Variants in CPNE2 observed in about 807,000 individuals in gnomAD.
CPNE2 encodes copine-2.
CPNE2 carries 42 observed loss-of-function variants against 69.7 expected under a neutral mutation model. The ratio of observed to expected loss-of-function variants is 0.60; its 90% CI spans 0.47 to 0.78. The LOEUF (loss-of-function observed/expected upper bound fraction) is 0.78. Ranked by LOEUF, CPNE2 falls within the 30% of genes least tolerant of loss-of-function variation. CPNE2 has a pLI of 0.00. For missense variants in CPNE2, 587 were observed against 732.0 expected, an observed-to-expected ratio of 0.80 and a Z score of 2.29; for synonymous variants, 294 against 289.8, an observed-to-expected ratio of 1.01 and a Z score of -0.15.
At position 57,146,755 on chromosome 16, in the gene CPNE2, C is replaced by G. The variant is rs999141525; in HGVS notation, c.1539+434C>G. On this transcript the variant is annotated intron_variant, in intron 15 of 15. Transcript: ENST00000290776. This position sits in a 1 kb window ranked among gnomAD's most constrained non-coding sequence, Gnocchi z 4.4. ...CCCAGTCATCTTAGGTTGACCTCCTCTCCCTAAAGCCCTCTGCCTGGGAGA... is the reference window on the plus strand; with the variant it reads ...CCCAGTCATCTTAGGTTGACCTCCTGTCCCTAAAGCCCTCTGCCTGGGAGA... The G allele has an allele frequency of 5.6e-6, 1 of 177,672 alleles. No homozygotes were observed. The highest frequency in any genetic ancestry group is 5.4e-5 in the Admixed American group (1 of 18,496). The allele number at this position is 177,672 out of a possible 1,614,324, so 11.0% of individuals were successfully genotyped here.
intron 1 of CPNE2, among the ~76,000 whole-genome samples, chr16:57,093,180 G>C (rs2069555312): frequency 1.3e-5 from 2 of 152,108 alleles, no homozygotes; most frequent in African/African-American, 4.8e-5. Context: ...GGCTCTCGGC[G>C]GGCGCTGGCT....
chr16:57,111,027 G>A, intron 2 of CPNE2, 105 bp downstream of exon 2: 1 of 987,008 alleles, frequency 1.0e-6, no homozygotes, highest in East Asian at 2.9e-5. Context: ...GAAGTAGTTG[G>A]AGTGTGGGCT....
intron 14 of CPNE2, among the ~76,000 whole-genome samples, chr16:57,139,876 T>C (rs2069909036): frequency 6.6e-6 from 1 of 152,104 alleles, no homozygotes; most frequent in Admixed American, 6.6e-5. Context: ...TTTCCTCATT[T>C]GTACAGTGGG....
At chr16:57,128,098 G>A (rs1281452658) in intron 12 of CPNE2, among the ~76,000 whole-genome samples, 195 bp downstream of exon 12, 1 of 152,186 alleles carries the variant, frequency 6.6e-6, no homozygotes, top group Non-Finnish European at 1.5e-5. Context: ...AGCACGTTAT[G>A]TTCTCTGTTT....
At chr16:57,134,639 A>G in intron 12 of CPNE2, 136 bp from the exon 13 acceptor site, 1 of 835,078 alleles carries the variant, frequency 1.2e-6, no homozygotes, top group Non-Finnish European at 2.0e-6. Flanking sequence ...GGGGGGTATC[A>G]GTGGCCTAGA....
chr16:57,101,950 C>CTT lies in CPNE2; in HGVS notation c.-35-8745_-35-8744dup, dbSNP rs753148938. Among the ~76,000 whole-genome samples the CTT allele has an allele frequency of 0.021, 2,951 of 143,306 alleles. 161 individuals carry two copies. In the East Asian group the frequency reaches 0.21, roughly 10 times the overall value. 94.0% of individuals were successfully genotyped at this position (143,306 alleles called of 152,430 possible). ...GGCCCAGCGTGCTGCATTTCTTTTT[C>CTT]TTTTTTTTTTTTTTGAGACAGGGTC... On this transcript the variant is annotated intron_variant, in intron 1 of 15. Transcript: ENST00000290776.
At chr16:57,129,443 G>A (rs1410384858) in intron 12 of CPNE2, among the ~76,000 whole-genome samples, 1 of 152,208 alleles carries the variant, frequency 6.6e-6, no homozygotes, top group Non-Finnish European at 1.5e-5. Flanking sequence ...CTGAGGCGGG[G>A]GTGGTGCTGC....
chr16:57,134,209 G>A (rs1267242321), intron 12 of CPNE2, among the ~76,000 whole-genome samples: 3 of 152,160 alleles, frequency 2.0e-5, no homozygotes, highest in Non-Finnish European at 4.4e-5. Flanking sequence ...TCCCTAGGGA[G>A]CCTATGATAG....
At chr16:57,099,607 C>CTT (rs148925934) in intron 1 of CPNE2, among the ~76,000 whole-genome samples, 2 of 144,170 alleles carry the variant, frequency 1.4e-5, no homozygotes, top group African/African-American at 5.1e-5. Flanking sequence ...GTGCATAGTG[C>CTT]TTTTTTTTTT....
intron 14 of CPNE2, chr16:57,143,482 A>C (rs2069936812): frequency 6.6e-6 from 1 of 152,328 alleles, no homozygotes; most frequent in Non-Finnish European, 1.5e-5. Context: ...ATGACAGACC[A>C]CTGGTGCCAG....
intron 14 of CPNE2, among the ~76,000 whole-genome samples, chr16:57,138,907 G>A (rs1597506273): frequency 6.6e-6 from 1 of 152,354 alleles, no homozygotes; most frequent in Non-Finnish European, 1.5e-5. Flanking sequence ...AGCCAAGGGA[G>A]GGAGGCACCT....
At chr16:57,107,545 A>G (rs1048039050) in intron 1 of CPNE2, among the ~76,000 whole-genome samples, 5 of 152,112 alleles carry the variant, frequency 3.3e-5, no homozygotes, top group African/African-American at 1.2e-4. Flanking sequence ...GGTGAAAGAG[A>G]GGAGGAGTGG....
At position 57,146,236 on chromosome 16, in the gene CPNE2, G is replaced by A; in HGVS notation, c.1454G>A (p.Gly485Glu). Residue 485 changes from glycine to glutamate, a missense_variant, in exon 15 of 16, where the codon GGG becomes GAG. By Grantham distance (98) the Gly-to-Glu change is moderately conservative. This residue lies in a region of CPNE2 where 185 missense variants were observed against 252.3 expected (regional missense o/e 0.73). Transcript: ENST00000290776. The surrounding 1 kb of genome is among the most constrained non-coding windows in gnomAD (Gnocchi z 4.4). Reference protein sequence around the residue: ...ADFAAMEFLDGDSRMLRSHTG... With the variant: ...ADFAAMEFLDEDSRMLRSHTG... Reference sequence around the variant, plus strand: ...TTCGCTGCCATGGAGTTCCTGGATGGGGACAGCCGCATGCTGCGCTCCCAC... The same window carrying A: ...TTCGCTGCCATGGAGTTCCTGGATGAGGACAGCCGCATGCTGCGCTCCCAC... 1 of 1,561,696 alleles carries A rather than the reference G, an allele frequency of 6.4e-7. No homozygotes were observed.
intron 10 of CPNE2, chr16:57,124,518 A>G (rs921652618): frequency 1.0e-4 from 37 of 371,048 alleles, no homozygotes; most frequent in Admixed American, 6.8e-4. Flanking sequence ...TTCCACTCCA[A>G]CCCCAGCATA....
chr16:57,147,678 G>A lies in CPNE2; in HGVS notation c.*20G>A, dbSNP rs780770441. ...GCCTGAGCTCCAGTGCCCAGCAGCA[G>A]CATGTCAGCTGAGCCTCCTGCCCTC... On this transcript the variant is annotated 3_prime_UTR_variant, in exon 16 of 16. Transcript: ENST00000290776. 6 of 1,556,134 alleles carry A rather than the reference G, an allele frequency of 3.9e-6. No homozygotes were observed. The highest frequency in any genetic ancestry group is 5.3e-6 in the Non-Finnish European group (6 of 1,136,574).
chr16:57,109,343 G>A (rs1282968193), intron 1 of CPNE2, among the ~76,000 whole-genome samples: 4 of 152,072 alleles, frequency 2.6e-5, no homozygotes, highest in African/African-American at 7.2e-5. Flanking sequence ...TTGCGTGGTT[G>A]TGGGTGCCTG....
At chr16:57,103,175 C>T (rs148228445) in intron 1 of CPNE2, among the ~76,000 whole-genome samples, 93 of 152,058 alleles carry the variant, frequency 6.1e-4, no homozygotes, top group African/African-American at 2.1e-3. Context: ...CAGATTCGAG[C>T]GCAGTGGCAC....
At chr16:57,136,351 T>A (rs1165831009) in intron 13 of CPNE2, among the ~76,000 whole-genome samples, 1 of 152,180 alleles carries the variant, frequency 6.6e-6, no homozygotes, top group Non-Finnish European at 1.5e-5. Context: ...CAGCAGCTAT[T>A]TACAGAGCGC....
chr16:57,109,156 T>C (rs2145243694), intron 1 of CPNE2, among the ~76,000 whole-genome samples: 1 of 152,158 alleles, frequency 6.6e-6, no homozygotes, highest in African/African-American at 2.4e-5. Flanking sequence ...GACGAGTCCA[T>C]AAAGTGAAAG....
Sources: gnomAD v4.1 joint callset for allele counts (sites outside exome capture counted in the v4.1 genomes callset) on GRCh38, gnomAD v4.1.1 for gene constraint, gnomAD v4.1.1 regional missense constraint, Gnocchi (gnomAD v3.1) non-coding constraint, MANE v1.5 for transcripts, NCBI Gene and HGNC (gene_info 2026-07-23, HGNC 2026-07-21) for gene names.